The following SEMA6D variants were observed in gnomAD, a reference collection of about 807,000 sequenced individuals.
The protein encoded by SEMA6D is semaphorin-6D.
In SEMA6D, 35 loss-of-function variants were observed where a neutral mutation model predicts 106.6. The observed-to-expected ratio is 0.33, with a 90% confidence interval of 0.25 to 0.44. SEMA6D has a LOEUF of 0.44. SEMA6D is among the 20% of genes least tolerant of loss of function. SEMA6D has a pLI of 1.00. For missense variants in SEMA6D, 1,185 were observed against 1,345.9 expected (o/e 0.88, Z 1.87); for synonymous variants, 499 against 487.7 (o/e 1.02, Z -0.31).
chr15:47,627,756 A>C (rs1208789554), intron 4 of SEMA6D, among the ~76,000 whole-genome samples: 3 of 152,110 alleles, frequency 2.0e-5, no homozygotes, highest in East Asian at 1.9e-4. Context: ...TATCTAAATC[A>C]GTGTCAACAC....
At chr15:47,575,436 G>A (rs900538580) in intron 3 of SEMA6D, among the ~76,000 whole-genome samples, 1 of 152,088 alleles carries the variant, frequency 6.6e-6, no homozygotes, top group African/African-American at 2.4e-5. Context: ...ATGGGGGCTG[G>A]CTAGTATAAG....
intron 1 of SEMA6D, among the ~76,000 whole-genome samples, chr15:47,253,740 G>A (rs1383693297): frequency 1.3e-5 from 2 of 152,126 alleles, no homozygotes; most frequent in African/African-American, 4.8e-5. Context: ...GTACTATGCT[G>A]TTTGGGTTAC....
intron 1 of SEMA6D, among the ~76,000 whole-genome samples, chr15:47,409,331 C>T (rs1026049336): frequency 6.6e-6 from 1 of 152,144 alleles, no homozygotes; most frequent in African/African-American, 2.4e-5. Context: ...TGAAATGCAC[C>T]CTCAGCCAAT....
rs1049851421 is a variant in SEMA6D at position 47,748,550 on chromosome 15, G to A, written c.-54-11195G>A. On this transcript the variant is annotated intron_variant, in intron 1 of 18. Transcript: ENST00000536845. ...GACTAGCTGTCCTGAGCAGAGCAGT[G>A]TGGCTGAAGAGGGAAGAATGAGAAA... is the stretch of plus-strand genomic sequence containing the variant. Among the ~76,000 whole-genome samples the A allele has an allele frequency of 3.3e-5, 5 of 152,340 alleles. No homozygotes were observed. The East Asian group carries it at 9.6e-4, about 29-fold the overall frequency.
At chr15:47,762,164 A>G (rs755251096) in intron 7 of SEMA6D, 36 bp from the exon 8 acceptor site, 4 of 1,612,528 alleles carry the variant, frequency 2.5e-6, no homozygotes, top group Non-Finnish European at 1.7e-6. Context: ...CAGGATAATT[A>G]TGGTTATCTT....
At chr15:47,564,771 C>A (rs985687404) in intron 3 of SEMA6D, among the ~76,000 whole-genome samples, 12 of 152,060 alleles carry the variant, frequency 7.9e-5, no homozygotes, top group African/African-American at 2.9e-4. Context: ...GTTGCCTTTT[C>A]CTAAACCACC....
At chr15:47,476,437 A>C (rs977661776) in intron 3 of SEMA6D, among the ~76,000 whole-genome samples, 1 of 152,264 alleles carries the variant, frequency 6.6e-6, no homozygotes, top group South Asian at 2.1e-4. Flanking sequence ...TGTTATCTCC[A>C]GGTTTAATTA....
chr15:47,240,139 G>A (rs911541127), intron 1 of SEMA6D, among the ~76,000 whole-genome samples: 1 of 152,112 alleles, frequency 6.6e-6, no homozygotes, highest in African/African-American at 2.4e-5. Flanking sequence ...TTCCCCAGTT[G>A]TCCGTGTACC....
At position 47,586,895 on chromosome 15, in the gene SEMA6D, T is replaced by TTTG. The variant is rs1450638619; in HGVS notation, c.-86-13968_-86-13967insGTT. 2.0e-4 allele frequency among the ~76,000 whole-genome samples: 30 copies of TTTG among 150,762 alleles called. 1 individual carries two copies. The highest frequency in any genetic ancestry group is 7.1e-4 in the African/African-American group (29 of 41,134). The stretch of plus-strand genomic sequence containing the variant: ...CAAAATGAAATTTGACAGGTTTTTT[T>TTTG]TTTTTTTTTTTTACAAGACCTGTCT... On this transcript the variant is annotated intron_variant, in intron 3 of 19. Transcript: ENST00000558014.
In SEMA6D at chr15:47,530,385, G is replaced by A. The variant is rs140027705; in HGVS notation, c.-87+59840G>A. Among the ~76,000 whole-genome samples, 333 of 152,164 alleles carry A rather than the reference G, an allele frequency of 2.2e-3. 1 individual carries two copies. The highest frequency in any genetic ancestry group is 7.9e-3 in the African/African-American group (327 of 41,526). On this transcript the variant is annotated intron_variant, in intron 3 of 19. Coordinates refer to the SEMA6D transcript ENST00000558014. ...GATTTCATTCTGAATACCACATACT[G>A]GAATTTAAAACAACAAAATTAAGAA...
chr15:47,535,316 A>G (rs1218360790), intron 3 of SEMA6D, among the ~76,000 whole-genome samples: 1 of 152,170 alleles, frequency 6.6e-6, no homozygotes, highest in Non-Finnish European at 1.5e-5. Context: ...CACCTATCCC[A>G]CAGATAAGAA....
chr15:47,509,951 T>A (rs187489051), intron 3 of SEMA6D, among the ~76,000 whole-genome samples: 31 of 152,356 alleles, frequency 2.0e-4, no homozygotes, highest in Admixed American at 2.0e-3. Flanking sequence ...ATTGCTCTCC[T>A]CTTTGGATAC....
rs1567042686 is a variant in SEMA6D at position 47,384,832 on chromosome 15, T to TTTTG, written c.-238-27558_-238-27557insGTTT. On this transcript the variant is annotated intron_variant, in intron 1 of 19. Coordinates refer to the SEMA6D transcript ENST00000558014. ...TACTAAAGTTTTTTTTTTTTTTTTT[T>TTTTG]TTTTTTTTTTTTTGTAAGAAAAAGA... 3.2e-4 allele frequency among the ~76,000 whole-genome samples: 46 copies of TTTTG among 145,424 alleles called. No homozygotes were observed. In the East Asian group the frequency reaches 5.6e-3, roughly 18 times the overall value.
intron 3 of SEMA6D, among the ~76,000 whole-genome samples, chr15:47,584,951 G>A (rs1282694942): frequency 6.6e-6 from 1 of 152,168 alleles, no homozygotes; most frequent in Admixed American, 6.6e-5. Flanking sequence ...AGAAAAGGTG[G>A]GGATATTGAG....
At chr15:47,351,979 A>ATT (rs2038344529) in intron 1 of SEMA6D, among the ~76,000 whole-genome samples, 1 of 152,184 alleles carries the variant, frequency 6.6e-6, no homozygotes. Flanking sequence ...AAAATCTGTT[A>ATT]TCCAGTAGAT....
chr15:47,763,425 C>T (rs907851685), intron 9 of SEMA6D, among the ~76,000 whole-genome samples: 3 of 152,154 alleles, frequency 2.0e-5, no homozygotes, highest in African/African-American at 7.2e-5. Context: ...TCTATTCTTT[C>T]TCAGCGTCAA....
At chr15:47,746,040 G>T (rs2081112827) in intron 1 of SEMA6D, among the ~76,000 whole-genome samples, 2 of 152,154 alleles carry the variant, frequency 1.3e-5, no homozygotes, top group South Asian at 4.1e-4. Flanking sequence ...CTCTACGTTT[G>T]TTAGAGACAG....
chr15:47,530,112 G>A (rs753291157), intron 3 of SEMA6D, among the ~76,000 whole-genome samples: 1 of 152,144 alleles, frequency 6.6e-6, no homozygotes, highest in African/African-American at 2.4e-5. Flanking sequence ...CATGCTTTTG[G>A]GCTGAGAAGA....
At chr15:47,580,000 C>T (rs546861988) in intron 3 of SEMA6D, among the ~76,000 whole-genome samples, 1 of 152,258 alleles carries the variant, frequency 6.6e-6, no homozygotes, top group African/African-American at 2.4e-5. Flanking sequence ...TCTGATTTGA[C>T]CTTTTACGTA....
Sources: allele counts gnomAD v4.1 joint callset (sites outside exome capture counted in the v4.1 genomes callset), GRCh38; gene constraint gnomAD v4.1.1; transcripts MANE v1.5; gene names NCBI Gene and HGNC (gene_info 2026-07-23, HGNC 2026-07-21).